Variants in ITPR2 observed in about 807,000 individuals in gnomAD.
The protein encoded by ITPR2 is inositol 1,4,5-trisphosphate receptor type 2, also known as inositol 1,4,5-trisphosphate-gated calcium channel ITPR2.
Under a neutral mutation model 317.1 loss-of-function variants are expected in ITPR2, and 207 were observed. That is an observed-to-expected ratio of 0.65 (90% confidence interval 0.58 to 0.73). The LOEUF is 0.73. ITPR2 is among the 30% of genes least tolerant of loss of function. The pLI is 0.00. For missense variants in ITPR2, 2,613 were observed against 3,284.0 expected, an observed-to-expected ratio of 0.80 and a Z score of 4.99; for synonymous variants, 1,156 against 1,149.1, an observed-to-expected ratio of 1.01 and a Z score of -0.12.
At chr12:26,384,451 T>A (rs1939607001) in intron 55 of ITPR2, among the ~76,000 whole-genome samples, 1 of 152,220 alleles carries the variant, frequency 6.6e-6, no homozygotes. Context: ...ACTGCTTGGA[T>A]GAAAATGAAA....
intron 9 of ITPR2, among the ~76,000 whole-genome samples, chr12:26,706,145 G>A (rs1164466239): frequency 2.6e-5 from 4 of 152,170 alleles, no homozygotes; most frequent in African/African-American, 9.7e-5. Context: ...GCATTATTTC[G>A]TGTGGCGTGG....
intron 31 of ITPR2, 130 bp from the exon 32 acceptor site, chr12:26,595,720 A>C (rs1945825505): frequency 6.7e-6 from 5 of 749,538 alleles, no homozygotes; most frequent in Middle Eastern, 3.9e-4. Context: ...GTCTATCCAG[A>C]AAGTATTCTC....
In ITPR2 at chr12:26,595,474, A is replaced by T. The variant is rs1437026575; in HGVS notation, c.4371T>A (p.Asp1457Glu). ...TCAAAATCTAACTTACCCTTGCCAT[A>T]TCCACCAAGAAGTTCTCAAATAATT... ...IWKLFENFLV[D>E]MARVCNTTTD... is the part of the protein sequence containing the mutation. The change falls in exon 32 of 57, where the codon GAT becomes GAA. Residue 1457 changes from aspartate to glutamate, a missense_variant. Physicochemically the swap from Asp to Glu is conservative, Grantham distance 45. Transcript: ENST00000381340. 1.2e-6 allele frequency: 2 copies of T among 1,606,284 alleles called. No homozygotes were observed. Among genetic ancestry groups the T allele is most frequent in the Non-Finnish European group, 1.7e-6 (2 of 1,178,054 alleles).
chr12:26,576,849 C>T (rs976025602), intron 34 of ITPR2, among the ~76,000 whole-genome samples: 23 of 152,160 alleles, frequency 1.5e-4, no homozygotes, highest in Non-Finnish European at 2.9e-5. Flanking sequence ...AAACTTAATC[C>T]TCAATAAAAC....
intron 32 of ITPR2, among the ~76,000 whole-genome samples, chr12:26,594,718 G>A (rs1003130215): frequency 6.6e-6 from 1 of 150,818 alleles, no homozygotes; most frequent in South Asian, 2.1e-4. Flanking sequence ...TTAGACACTG[G>A]CTGTTATGAT....
intron 14 of ITPR2, 98 bp downstream of exon 14, chr12:26,665,812 T>A: frequency 1.9e-6 from 2 of 1,061,496 alleles, no homozygotes; most frequent in Non-Finnish European, 2.7e-6. Flanking sequence ...AGTTTTGGGA[T>A]CATTTGCTTC....
At chr12:26,555,964 C>T (rs1944652225) in intron 36 of ITPR2, among the ~76,000 whole-genome samples, 1 of 152,080 alleles carries the variant, frequency 6.6e-6, no homozygotes, top group East Asian at 1.9e-4. Context: ...GGAATTAGGA[C>T]CAAAATATTA....
At chr12:26,553,000 A>G (rs1944566311) in intron 36 of ITPR2, among the ~76,000 whole-genome samples, 1 of 152,250 alleles carries the variant, frequency 6.6e-6, no homozygotes, top group African/African-American at 2.4e-5. Flanking sequence ...TCTATGATCA[A>G]AGTAAGAAAT....
chr12:26,519,681 A>C (rs2136935598), intron 37 of ITPR2, among the ~76,000 whole-genome samples: 1 of 152,382 alleles, frequency 6.6e-6, no homozygotes, highest in East Asian at 1.9e-4. Flanking sequence ...GAGATAAATG[A>C]TGTAGAGACA....
rs1183495431 is a variant in ITPR2 at position 26,336,388 on chromosome 12, A to G, written c.*3009T>C. On this transcript the variant is annotated 3_prime_UTR_variant, in exon 57 of 57. Coordinates refer to ENST00000381340, the MANE Select transcript of ITPR2 (RefSeq NM_002223.4). ...CACACAATTAGTTCTGACGAAAGAA[A>G]TATCTTCCTGATGTTATTAACAATC... The G allele has an allele frequency of 1.3e-5, 2 of 152,240 alleles. No individual in the cohort carries two copies. Among genetic ancestry groups the G allele is most frequent in the Non-Finnish European group, 2.9e-5 (2 of 68,044 alleles). 9.4% of individuals were successfully genotyped at this position (152,240 alleles called of 1,614,324 possible).
intron 37 of ITPR2, among the ~76,000 whole-genome samples, chr12:26,548,181 T>C (rs1003217639): frequency 2.0e-5 from 3 of 152,188 alleles, no homozygotes; most frequent in African/African-American, 7.2e-5. Context: ...GCTGGAACAA[T>C]TGATAAGTAC....
At chr12:26,461,832 C>T (rs962325270) in intron 45 of ITPR2, among the ~76,000 whole-genome samples, 33 of 151,666 alleles carry the variant, frequency 2.2e-4, no homozygotes, top group African/African-American at 7.5e-4. Context: ...TAAATCCTGA[C>T]AAGGGACTTT....
intron 2 of ITPR2, among the ~76,000 whole-genome samples, chr12:26,769,771 A>T (rs560412394): frequency 6.6e-6 from 1 of 152,322 alleles, no homozygotes; most frequent in South Asian, 2.1e-4. Flanking sequence ...TATGCCTAAT[A>T]CATGACACAA....
chr12:26,432,389 G>C (rs1452647364), intron 48 of ITPR2, among the ~76,000 whole-genome samples: 1 of 152,092 alleles, frequency 6.6e-6, no homozygotes, highest in Non-Finnish European at 1.5e-5. Context: ...ATGATGTTAT[G>C]TCCTTGTCGG....
At chr12:26,633,416 A>G (rs894109778) in intron 21 of ITPR2, among the ~76,000 whole-genome samples, 2 of 152,234 alleles carry the variant, frequency 1.3e-5, no homozygotes, top group African/African-American at 4.8e-5. Flanking sequence ...AGAGTACACA[A>G]AGAAGTTACA....
chr12:26,677,091 G>A (rs1947924301), intron 13 of ITPR2, among the ~76,000 whole-genome samples: 1 of 143,718 alleles, frequency 7.0e-6, no homozygotes, highest in Admixed American at 7.7e-5. Flanking sequence ...GAATTCAAGG[G>A]TAATTGCTAA....
chr12:26,829,621 C>T (rs145281344), intron 1 of ITPR2, among the ~76,000 whole-genome samples: 52 of 152,308 alleles, frequency 3.4e-4, no homozygotes, highest in South Asian at 8.3e-4. Flanking sequence ...CACCCAGGAC[C>T]CATTTAAGTC....
At chr12:26,669,978 C>T (rs557951735) in intron 13 of ITPR2, among the ~76,000 whole-genome samples, 32 of 152,338 alleles carry the variant, frequency 2.1e-4, no homozygotes, top group South Asian at 1.2e-3. Context: ...AACTGCAAGG[C>T]GGCAGCGAGG....
intron 36 of ITPR2, among the ~76,000 whole-genome samples, chr12:26,554,444 T>G (rs919090525): frequency 2.0e-5 from 3 of 152,210 alleles, no homozygotes; most frequent in Non-Finnish European, 2.9e-5. Context: ...ACAGTAAATA[T>G]TTTAGGCTTT....
Sources: allele counts gnomAD v4.1 joint callset (sites outside exome capture counted in the v4.1 genomes callset), GRCh38; gene constraint gnomAD v4.1.1; transcripts MANE v1.5; gene names NCBI Gene and HGNC (gene_info 2026-07-23, HGNC 2026-07-21).